Variants in TMEM39B observed in about 807,000 individuals in gnomAD.
The protein encoded by TMEM39B is transmembrane protein 39B.
Under a neutral mutation model 52.2 loss-of-function variants are expected in TMEM39B, and 23 were observed. The observed-to-expected ratio is 0.44, with a 90% confidence interval of 0.32 to 0.62. TMEM39B has a LOEUF of 0.62. Among genes scored for constraint, TMEM39B ranks in the 20% least tolerant of loss-of-function variants. TMEM39B has a pLI of 0.06. For missense variants in TMEM39B, 547 were observed against 642.0 expected (o/e 0.85, Z 1.60); for synonymous variants, 285 against 264.0 (o/e 1.08, Z -0.77).
At position 32,075,874 on chromosome 1, in the gene TMEM39B, GTA is replaced by G. The variant is rs747445453; in HGVS notation, c.351+54_351+55del. 8.7e-5 allele frequency: 105 copies of G among 1,205,278 alleles called. No individual in the cohort carries two copies. In the Admixed American group the frequency reaches 1.2e-3, roughly 13 times the overall value. The allele number at this position is 1,205,278 out of a possible 1,614,324, so 74.7% of individuals were successfully genotyped here. ...TGTGTGTGTGTGTGTGCGTGTGTGTGTATGTGTGTGTGTGTTTCTTTTGGTTT... is the reference window on the plus strand; with the variant it reads ...TGTGTGTGTGTGTGTGCGTGTGTGTGTGTGTGTGTGTGTTTCTTTTGGTTT... On this transcript the variant is annotated intron_variant, in intron 3 of 8. Coordinates refer to ENST00000336294, the MANE Select transcript of TMEM39B (RefSeq NM_018056.4).
chr1:32,072,960 G>A lies in TMEM39B; in HGVS notation c.-88G>A. 6.7e-7 allele frequency: 1 copy of A among 1,500,780 alleles called. No homozygotes were observed. The highest frequency in any genetic ancestry group is 9.0e-7 in the Non-Finnish European group (1 of 1,115,234). 93.0% of individuals were successfully genotyped at this position (1,500,780 alleles called of 1,614,324 possible). On this transcript the variant is annotated 5_prime_UTR_variant, in exon 1 of 9. Transcript: ENST00000336294. ...GGCTGATACCCGGGACTGGGCTGCG[G>A]CGGTTAGTCCTCTCCCGGCCGCCGT... is the stretch of plus-strand genomic sequence containing the variant.
chr1:32,088,906 C>T (rs146161097), intron 5 of TMEM39B, among the ~76,000 whole-genome samples: 7 of 152,090 alleles, frequency 4.6e-5, no homozygotes, highest in African/African-American at 1.7e-4. Flanking sequence ...CTGGCCTCTT[C>T]CTTTTCTAGT....
At chr1:32,075,505 C>A in intron 2 of TMEM39B, 98 bp from the exon 3 acceptor site, 1 of 1,280,864 alleles carries the variant, frequency 7.8e-7, no homozygotes, top group Non-Finnish European at 1.1e-6. Flanking sequence ...TTGCTATGAG[C>A]TGCTTTTCTG....
intron 1 of TMEM39B, chr1:32,073,784 T>C (rs1386216634): frequency 1.1e-5 from 11 of 985,268 alleles, no homozygotes; most frequent in East Asian, 1.1e-4. Context: ...AAGCCCAAAA[T>C]TGGCTCCGAA....
chr1:32,073,067 C>G lies in TMEM39B; in HGVS notation c.4+16C>G. 6.8e-7 allele frequency: 1 copy of G among 1,473,932 alleles called. No individual in the cohort carries two copies. The highest frequency in any genetic ancestry group is 1.5e-5 in the African/African-American group (1 of 68,438). 91.3% of individuals were successfully genotyped at this position (1,473,932 alleles called of 1,614,324 possible). A position where few individuals can be genotyped will look rare whatever the true frequency, so the allele number is the denominator to read the frequency against. ...GAGGAGATGGGTGAGCAGAGCGGCTCAGGCTCGGCCTGGCAACGAGCGGGC... is the reference window on the plus strand; with the variant it reads ...GAGGAGATGGGTGAGCAGAGCGGCTGAGGCTCGGCCTGGCAACGAGCGGGC... On this transcript the variant is annotated intron_variant, in intron 1 of 8. Coordinates refer to ENST00000336294, the MANE Select transcript of TMEM39B (RefSeq NM_018056.4).
chr1:32,093,783 G>A (rs1165469938), intron 6 of TMEM39B, among the ~76,000 whole-genome samples: 4 of 151,260 alleles, frequency 2.6e-5, no homozygotes, highest in Non-Finnish European at 5.9e-5. Flanking sequence ...AGCGCCTCTT[G>A]GAGGTGGTTC....
chr1:32,101,102 A>T (rs751955306), intron 8 of TMEM39B, among the ~76,000 whole-genome samples: 8 of 151,968 alleles, frequency 5.3e-5, no homozygotes, highest in South Asian at 4.1e-4. Context: ...GAGGGAGAGA[A>T]GATGATACAG....
At chr1:32,083,384 G>A (rs1390995343) in intron 5 of TMEM39B, among the ~76,000 whole-genome samples, 2 of 144,184 alleles carry the variant, frequency 1.4e-5, no homozygotes, top group African/African-American at 2.6e-5. Flanking sequence ...CGCCTGGCCG[G>A]CAGGAACATT....
chr1:32,087,377 A>T (rs1640402460), intron 5 of TMEM39B: 1 of 149,668 alleles, frequency 6.7e-6, no homozygotes, highest in Admixed American at 6.7e-5. Context: ...TAATCCCAGC[A>T]CTTTGGGAGG....
At chr1:32,094,680 T>TC in intron 6 of TMEM39B, 104 bp from the exon 7 acceptor site, 2 of 1,258,352 alleles carry the variant, frequency 1.6e-6, no homozygotes, top group Non-Finnish European at 2.2e-6. Context: ...TTCTGAGGTC[T>TC]CCCCAGGACT....
At chr1:32,072,781 T>G, upstream of TMEM39B, 1 of 530,270 alleles carries the variant, frequency 1.9e-6, no homozygotes, top group Non-Finnish European at 3.3e-6. Context: ...CCCTCCCTCT[T>G]GAGTCTCTTC....
At chr1:32,086,965 C>G (rs1046584886) in intron 5 of TMEM39B, 2 of 152,400 alleles carry the variant, frequency 1.3e-5, no homozygotes, top group South Asian at 2.1e-4. Context: ...ACCAGCTACT[C>G]GAGAGGTCAG....
At chr1:32,079,185 CTTTTT>C (rs763260333) in intron 5 of TMEM39B, among the ~76,000 whole-genome samples, 2 of 129,170 alleles carry the variant, frequency 1.5e-5, no homozygotes. Context: ...CTATTTCTTT[CTTTTT>C]TTTTTTTTTT....
intron 5 of TMEM39B, among the ~76,000 whole-genome samples, chr1:32,077,635 C>T (rs997023519): frequency 2.6e-5 from 4 of 152,198 alleles, no homozygotes; most frequent in African/African-American, 9.7e-5. Context: ...TTCCTTTCCC[C>T]TCCCTCTGGT....
chr1:32,078,296 C>A (rs1639950274), intron 5 of TMEM39B, among the ~76,000 whole-genome samples: 1 of 152,082 alleles, frequency 6.6e-6, no homozygotes, highest in South Asian at 2.1e-4. Context: ...CCAGCCTAGG[C>A]AACATGGCGA....
chr1:32,092,053 C>CTTTA (rs748994819), intron 6 of TMEM39B, 42 bp downstream of exon 6: 1 of 1,559,826 alleles, frequency 6.4e-7, no homozygotes, highest in South Asian at 1.2e-5. Context: ...CTAGCTGGGA[C>CTTTA]TTTACCCTGC....
chr1:32,099,413 A>C (rs982184482), intron 7 of TMEM39B, among the ~76,000 whole-genome samples: 1 of 152,150 alleles, frequency 6.6e-6, no homozygotes, highest in Non-Finnish European at 1.5e-5. Context: ...ACATGTATAC[A>C]TATGTAACAA....
At chr1:32,092,476 CTTTT>C (rs1223509783) in intron 6 of TMEM39B, among the ~76,000 whole-genome samples, 1 of 151,868 alleles carries the variant, frequency 6.6e-6, no homozygotes, top group East Asian at 1.9e-4. Context: ...TTTTATTTTA[CTTTT>C]TTTATTTTTT....
chr1:32,073,945 C>T (rs1379002470), intron 1 of TMEM39B: 5 of 958,914 alleles, frequency 5.2e-6, no homozygotes, highest in Non-Finnish European at 6.2e-6. Context: ...GACCGGGTTT[C>T]GCCATGTTGC....
Sources: allele counts gnomAD v4.1 joint callset (sites outside exome capture counted in the v4.1 genomes callset), GRCh38; gene constraint gnomAD v4.1.1; transcripts MANE v1.5; gene names NCBI Gene and HGNC (gene_info 2026-07-23, HGNC 2026-07-21).